SCMH1: variants seen among roughly 807,000 people sequenced by gnomAD.
The protein encoded by SCMH1 is polycomb protein SCMH1.
Under a neutral mutation model 70.8 loss-of-function variants are expected in SCMH1, and 37 were observed. The observed-to-expected ratio is 0.52, with a 90% CI of 0.40 to 0.69. SCMH1 has a LOEUF of 0.69. Among genes scored for constraint, SCMH1 ranks in the 30% least tolerant of loss-of-function variants. The pLI, the probability that SCMH1 is intolerant of heterozygous loss-of-function variation, is 0.00. For synonymous variants in SCMH1, 292 were observed against 307.4 expected, an observed-to-expected ratio of 0.95 and a Z score of 0.52; for missense variants, 607 against 827.3, an observed-to-expected ratio of 0.73 and a Z score of 3.27.
intron 10 of SCMH1, among the ~76,000 whole-genome samples, chr1:41,062,015 C>A (rs1433116776): frequency 6.6e-6 from 1 of 151,928 alleles, no homozygotes; most frequent in Non-Finnish European, 1.5e-5. Context: ...CAGGTGCATG[C>A]CACCACACCC....
exon 6 of SCMH1, chr1:41,142,963 A>G (rs1644235604): frequency 1.2e-6 from 2 of 1,614,136 alleles, no homozygotes; most frequent in Non-Finnish European, 1.7e-6. Flanking sequence ...GCCAGAAGTC[A>G]TTTTTGTTGT....
rs569311908 is a variant in SCMH1 at position 41,140,151 on chromosome 1, T to C, written c.412+2727A>G. Among the ~76,000 whole-genome samples, 18 of 152,264 alleles carry C rather than the reference T, an allele frequency of 1.2e-4. No homozygotes were observed. The East Asian group carries it at 3.3e-3, about 28-fold the overall frequency. ...AGTGATACGGAATAAAGCAAATGAG[T>C]TACTGTGTTAACATGGAGAACTAGG... On this transcript the variant is annotated intron_variant, in intron 6 of 14. Coordinates refer to ENST00000337495, the Ensembl canonical transcript of SCMH1.
chr1:41,231,927 C>A (rs1350694880), intron 1 of SCMH1, among the ~76,000 whole-genome samples: 2 of 150,702 alleles, frequency 1.3e-5, no homozygotes, highest in African/African-American at 4.9e-5. Context: ...GAGGCTGAGG[C>A]AGGAGAATCG....
chr1:41,205,589 G>A (rs1655349721), intron 1 of SCMH1, among the ~76,000 whole-genome samples: 2 of 152,222 alleles, frequency 1.3e-5, no homozygotes, highest in Admixed American at 6.5e-5. Flanking sequence ...TGGCCAGGAA[G>A]CTCGAACTGG....
chr1:41,234,678 G>A (rs1412795865), intron 1 of SCMH1, among the ~76,000 whole-genome samples: 1 of 151,700 alleles, frequency 6.6e-6, no homozygotes, highest in Non-Finnish European at 1.5e-5. Flanking sequence ...GTTTCACCGT[G>A]TTAACCAGGA....
chr1:41,124,156 T>A (rs1672604475), intron 6 of SCMH1, among the ~76,000 whole-genome samples: 1 of 152,162 alleles, frequency 6.6e-6, no homozygotes, highest in Non-Finnish European at 1.5e-5. Context: ...ATTCAACAAC[T>A]ATTACCATTT....
At chr1:41,046,666 G>A (rs1487121299) in intron 11 of SCMH1, 68 bp from the exon 12 acceptor site, 37 of 1,244,940 alleles carry the variant, frequency 3.0e-5, no homozygotes, top group Non-Finnish European at 1.9e-5. Flanking sequence ...GGCAGGACGA[G>A]TCCAGCCCAC....
chr1:41,136,221 C>T (rs1643293614), intron 6 of SCMH1, among the ~76,000 whole-genome samples: 1 of 152,106 alleles, frequency 6.6e-6, no homozygotes, highest in Non-Finnish European at 1.5e-5. Context: ...GCTGGGATCA[C>T]AGGTGTGAGC....
At chr1:41,156,545 C>T (rs1306384706) in intron 4 of SCMH1, among the ~76,000 whole-genome samples, 1 of 152,028 alleles carries the variant, frequency 6.6e-6, no homozygotes, top group East Asian at 1.9e-4. Flanking sequence ...CTCAAGCGAT[C>T]CTCTCATCTC....
At chr1:41,117,511 G>A (rs1004486082) in intron 6 of SCMH1, among the ~76,000 whole-genome samples, 4 of 151,344 alleles carry the variant, frequency 2.6e-5, no homozygotes, top group South Asian at 2.1e-4. Context: ...CCCTTTCCCC[G>A]GGGAAGTTTA....
chr1:41,232,606 G>A (rs1459444675), intron 1 of SCMH1, among the ~76,000 whole-genome samples: 1 of 152,156 alleles, frequency 6.6e-6, no homozygotes, highest in Non-Finnish European at 1.5e-5. Context: ...CTTATAAACT[G>A]CATAATCTTG....
Position 41,151,527 on chromosome 1 carries a change from AG to A in SCMH1, c.177+86del. The A allele has an allele frequency of 3.0e-6, 3 of 1,011,852 alleles. No individual in the cohort carries two copies. The South Asian group carries it at 4.9e-5, about 16-fold the overall frequency. The allele number at this position is 1,011,852 out of a possible 1,614,324, so 62.7% of individuals were successfully genotyped here. On this transcript the variant is annotated intron_variant, in intron 5 of 14. Coordinates refer to ENST00000337495, the Ensembl canonical transcript of SCMH1. ...CTGGGGCCCTCAGGTAAGAAGCCCA[AG>A]GGCTTCCACCTCCTGTTTTGATTGT...
chr1:41,046,646 T>A, intron 11 of SCMH1, 48 bp from the exon 12 acceptor site: 1 of 1,477,148 alleles, frequency 6.8e-7, no homozygotes, highest in Non-Finnish European at 9.5e-7. Context: ...GGCAGTGGAG[T>A]ACAGCGCTAG....
At chr1:41,089,902 G>A (rs1327219369) in intron 8 of SCMH1, among the ~76,000 whole-genome samples, 2 of 145,938 alleles carry the variant, frequency 1.4e-5, no homozygotes, top group African/African-American at 5.1e-5. Context: ...AGCGAGTCTC[G>A]TGCCTCAGCC....
chr1:41,100,361 C>A (rs928391480), intron 8 of SCMH1, among the ~76,000 whole-genome samples: 10 of 151,834 alleles, frequency 6.6e-5, no homozygotes, highest in East Asian at 3.9e-4. Context: ...ATTTCTACCC[C>A]CTAGGCAGCA....
At chr1:41,162,946 C>T (rs572446311) in intron 2 of SCMH1, 1 of 152,306 alleles carries the variant, frequency 6.6e-6, no homozygotes, top group Non-Finnish European at 1.5e-5. Flanking sequence ...GACAAGAACT[C>T]GGGATCTGCT....
intron 9 of SCMH1, 69 bp downstream of exon 9, chr1:41,075,150 C>G: frequency 2.0e-6 from 3 of 1,492,840 alleles, no homozygotes; most frequent in Non-Finnish European, 2.8e-6. Flanking sequence ...AGGCGTGAGC[C>G]ACGGCGCCTG....
intron 6 of SCMH1, among the ~76,000 whole-genome samples, chr1:41,141,331 G>A (rs1057140826): frequency 6.6e-6 from 1 of 152,194 alleles, no homozygotes; most frequent in Non-Finnish European, 1.5e-5. Context: ...TTAGCAGAAA[G>A]ACAAAGCTAA....
chr1:41,106,266 G>C (rs1245645413), intron 8 of SCMH1, among the ~76,000 whole-genome samples: 1 of 151,850 alleles, frequency 6.6e-6, no homozygotes, highest in East Asian at 1.9e-4. Context: ...CCTGGTGGGA[G>C]GTGTTTGGGT....
Sources: gnomAD v4.1 joint callset for allele counts (sites outside exome capture counted in the v4.1 genomes callset) on GRCh38, gnomAD v4.1.1 for gene constraint, MANE v1.5 for transcripts, NCBI Gene and HGNC (gene_info 2026-07-23, HGNC 2026-07-21) for gene names.